HNF4G: variants seen among roughly 807,000 people sequenced by gnomAD.
The protein encoded by HNF4G is hepatocyte nuclear factor 4-gamma.
A neutral mutation model predicts 50.9 loss-of-function variants in HNF4G; 21 were observed. The ratio of observed to expected loss-of-function variants is 0.41; its 90% CI spans 0.29 to 0.59. The LOEUF (loss-of-function observed/expected upper bound fraction) is 0.59, where lower values mean the gene tolerates loss of function less well. HNF4G is among the 20% of genes least tolerant of loss of function. HNF4G has a pLI of 0.26. For synonymous variants in HNF4G, 198 were observed against 185.6 expected (o/e 1.07, Z -0.54); for missense variants, 527 against 559.4 (o/e 0.94, Z 0.58).
At position 75,539,977 on chromosome 8, in the gene HNF4G, A is replaced by G. The variant is rs765517809; in HGVS notation, c.15A>G (p.Ser5=). MMRV[S]EPILDMDMAN... ...TTTCTAAATCAATGATGAGGGTATC[A>G]GAACCAATACTGGACATGGACATGG... is the stretch of plus-strand genomic sequence containing the variant. Residue 5 remains serine, a synonymous_variant, in exon 1 of 10, where the codon TCA becomes TCG. Transcript: ENST00000396423. 24 of 1,517,852 alleles carry G rather than the reference A, an allele frequency of 1.6e-5. No homozygotes were observed. The South Asian group carries it at 1.7e-4, about 11-fold the overall frequency. 94.0% of individuals were successfully genotyped at this position (1,517,852 alleles called of 1,614,324 possible).
intron 2 of HNF4G, among the ~76,000 whole-genome samples, chr8:75,508,824 A>C (rs928834492): frequency 6.6e-6 from 1 of 152,230 alleles, no homozygotes; most frequent in Non-Finnish European, 1.5e-5. Flanking sequence ...GACGAAGGCC[A>C]GAACTGAGTT....
At chr8:75,423,412 C>G (rs1222503439) in intron 1 of HNF4G, among the ~76,000 whole-genome samples, 1 of 126,254 alleles carries the variant, frequency 7.9e-6, no homozygotes, top group Non-Finnish European at 1.5e-5. Context: ...CGATCTGGGG[C>G]GATCTTGGTG....
At chr8:75,561,878 A>G (rs1017478042) in intron 9 of HNF4G, among the ~76,000 whole-genome samples, 19 of 152,312 alleles carry the variant, frequency 1.2e-4, no homozygotes, top group African/African-American at 4.6e-4. Context: ...CTATTATTGT[A>G]GCTTTCATGC....
At chr8:75,485,641 T>G (rs1812481293) in intron 1 of HNF4G, 1 of 152,214 alleles carries the variant, frequency 6.6e-6, no homozygotes, top group African/African-American at 2.4e-5. Flanking sequence ...GATACCTAAT[T>G]TATTTATTTC....
chr8:75,541,144 A>T (rs1478100921), intron 1 of HNF4G, among the ~76,000 whole-genome samples: 1 of 152,124 alleles, frequency 6.6e-6, no homozygotes, highest in East Asian at 1.9e-4. Context: ...AGAGTATTTC[A>T]TCAGAATCCT....
intron 1 of HNF4G, among the ~76,000 whole-genome samples, chr8:75,424,963 C>CT (rs1195894319): frequency 6.6e-6 from 1 of 152,118 alleles, no homozygotes; most frequent in Non-Finnish European, 1.5e-5. Flanking sequence ...TTTGAGAAAT[C>CT]TCCAAACTGC....
intron 1 of HNF4G, among the ~76,000 whole-genome samples, chr8:75,425,597 T>C (rs1052741280): frequency 1.6e-4 from 23 of 148,082 alleles, no homozygotes; most frequent in Non-Finnish European, 3.1e-4. Flanking sequence ...TTATATATAT[T>C]ATATATTTTT....
chr8:75,550,920 C>A (rs899844365), intron 3 of HNF4G, among the ~76,000 whole-genome samples: 5 of 152,086 alleles, frequency 3.3e-5, no homozygotes, highest in Non-Finnish European at 7.4e-5. Flanking sequence ...ATCCTAAAAT[C>A]ATCATAACTA....
Position 75,564,841 on chromosome 8 carries a change from C to T in HNF4G, c.*745C>T, listed in dbSNP as rs1029521137. On this transcript the variant is annotated 3_prime_UTR_variant, in exon 10 of 10. Coordinates refer to ENST00000396423, the MANE Select transcript of HNF4G (RefSeq NM_004133.5). ...AATCAAGAGAGGAATCTATTTCTTT[C>T]TCCTGAAACAATTTAGAAAATAGTT... 3.9e-5 allele frequency: 6 copies of T among 152,138 alleles called. No homozygotes were observed. Among genetic ancestry groups the T allele is most frequent in the South Asian group, 4.1e-4 (2 of 4,824 alleles). 9.4% of individuals were successfully genotyped at this position (152,138 alleles called of 1,614,324 possible).
chr8:75,563,244 A>G (rs1807365088), intron 9 of HNF4G, among the ~76,000 whole-genome samples: 1 of 152,154 alleles, frequency 6.6e-6, no homozygotes, highest in South Asian at 2.1e-4. Context: ...GGATTATTTT[A>G]TAATATGGTT....
chr8:75,509,429 T>A (rs1257361287), intron 2 of HNF4G, among the ~76,000 whole-genome samples: 1 of 151,986 alleles, frequency 6.6e-6, no homozygotes, highest in Non-Finnish European at 1.5e-5. Context: ...GCAATTAGGG[T>A]TGGGTGTGAG....
At chr8:75,557,621 CACAA>C (rs1046498325) in intron 6 of HNF4G, among the ~76,000 whole-genome samples, 2 of 152,032 alleles carry the variant, frequency 1.3e-5, no homozygotes, top group African/African-American at 4.8e-5. Context: ...CATCTAAAAA[CACAA>C]ACAAACAAAC....
chr8:75,491,907 CAA>C (rs1450872465), intron 2 of HNF4G, among the ~76,000 whole-genome samples: 2 of 152,170 alleles, frequency 1.3e-5, no homozygotes, highest in African/African-American at 4.8e-5. Flanking sequence ...GATGGGCACA[CAA>C]AGAACAATGC....
chr8:75,562,673 A>T (rs892904346), intron 9 of HNF4G, among the ~76,000 whole-genome samples: 3 of 152,202 alleles, frequency 2.0e-5, no homozygotes, highest in African/African-American at 7.2e-5. Flanking sequence ...TTTTAAAAAC[A>T]TATTTGCTGA....
At chr8:75,515,432 T>C (rs971909021) in intron 2 of HNF4G, among the ~76,000 whole-genome samples, 1 of 152,068 alleles carries the variant, frequency 6.6e-6, no homozygotes, top group Admixed American at 6.6e-5. Context: ...ACATATATAT[T>C]CATTATAGAA....
At chr8:75,463,619 T>C (rs1811902574) in intron 1 of HNF4G, among the ~76,000 whole-genome samples, 1 of 152,092 alleles carries the variant, frequency 6.6e-6, no homozygotes, top group South Asian at 2.1e-4. Flanking sequence ...ACAGAGTCTA[T>C]ACTCTTCACT....
At chr8:75,529,870 T>C (rs1446877126) in intron 2 of HNF4G, among the ~76,000 whole-genome samples, 3 of 151,796 alleles carry the variant, frequency 2.0e-5, no homozygotes, top group Non-Finnish European at 2.9e-5. Context: ...ATTTAATTTT[T>C]AAACACTTAA....
At chr8:75,433,728 C>T (rs946582001) in intron 1 of HNF4G, among the ~76,000 whole-genome samples, 11 of 151,850 alleles carry the variant, frequency 7.2e-5, no homozygotes, top group Admixed American at 3.3e-4. Flanking sequence ...TTTATGCATG[C>T]AAGTATAATG....
At chr8:75,491,487 T>G (rs1812627736) in intron 2 of HNF4G, among the ~76,000 whole-genome samples, 2 of 152,016 alleles carry the variant, frequency 1.3e-5, no homozygotes, top group Non-Finnish European at 2.9e-5. Context: ...TTTCCTTTTT[T>G]TTTTTAAGAC....
Sources: allele counts gnomAD v4.1 joint callset (sites outside exome capture counted in the v4.1 genomes callset), GRCh38; gene constraint gnomAD v4.1.1; transcripts MANE v1.5; gene names NCBI Gene and HGNC (gene_info 2026-07-23, HGNC 2026-07-21).